The following PLCB1 variants were observed in gnomAD, a reference collection of about 807,000 sequenced individuals.
PLCB1 encodes 1-phosphatidylinositol 4,5-bisphosphate phosphodiesterase beta-1.
Under a neutral mutation model 161.8 loss-of-function variants are expected in PLCB1, and 46 were observed. That is an observed-to-expected ratio of 0.28 (90% CI 0.22 to 0.36). PLCB1 has a LOEUF of 0.36. Among genes scored for constraint, PLCB1 ranks in the 10% least tolerant of loss-of-function variants. The pLI, the probability that PLCB1 is intolerant of heterozygous loss-of-function variation, is 1.00. For missense variants in PLCB1, 1,016 were observed against 1,472.5 expected, an observed-to-expected ratio of 0.69 and a Z score of 5.07; for synonymous variants, 517 against 503.7, an observed-to-expected ratio of 1.03 and a Z score of -0.35.
intron 3 of PLCB1, among the ~76,000 whole-genome samples, chr20:8,450,366 CAT>C (rs1266956048): frequency 6.6e-6 from 1 of 151,974 alleles, no homozygotes; most frequent in Non-Finnish European, 1.5e-5. Context: ...AAAGCCATCA[CAT>C]AAATTTTTCT....
At chr20:8,187,884 A>G (rs2051923276) in intron 2 of PLCB1, among the ~76,000 whole-genome samples, 3 of 152,070 alleles carry the variant, frequency 2.0e-5, no homozygotes, top group Admixed American at 2.0e-4. Context: ...GACTGTGTAC[A>G]TATATGTATG....
At chr20:8,218,957 T>C (rs564456628) in intron 2 of PLCB1, among the ~76,000 whole-genome samples, 2 of 152,302 alleles carry the variant, frequency 1.3e-5, no homozygotes, top group South Asian at 4.1e-4. Flanking sequence ...CAGAGTTTTA[T>C]TCTACACTGG....
chr20:8,792,467 C>T (rs956032063), intron 31 of PLCB1: 6 of 457,546 alleles, frequency 1.3e-5, no homozygotes, highest in African/African-American at 8.1e-5. Context: ...ATACAGTGTA[C>T]GTTACAGCCA....
chr20:8,402,087 G>C (rs1978577899), intron 3 of PLCB1, among the ~76,000 whole-genome samples: 1 of 151,988 alleles, frequency 6.6e-6, no homozygotes, highest in Admixed American at 6.5e-5. Context: ...TTTTAGACTA[G>C]TAATAAAATG....
intron 3 of PLCB1, among the ~76,000 whole-genome samples, chr20:8,614,284 A>G (rs1413522801): frequency 6.6e-6 from 1 of 152,076 alleles, no homozygotes; most frequent in Non-Finnish European, 1.5e-5. Flanking sequence ...CCCTGCAATT[A>G]CACACCAGGA....
intron 10 of PLCB1, among the ~76,000 whole-genome samples, chr20:8,696,949 G>T (rs1028408598): frequency 1.3e-5 from 2 of 152,132 alleles, no homozygotes; most frequent in African/African-American, 4.8e-5. Flanking sequence ...TAGCCAGGAT[G>T]GTCTCGATCT....
chr20:8,456,071 G>A (rs567151225), intron 3 of PLCB1, among the ~76,000 whole-genome samples: 1 of 152,238 alleles, frequency 6.6e-6, no homozygotes. Context: ...TCAAAGATTT[G>A]GTTTCAAATT....
intron 31 of PLCB1, among the ~76,000 whole-genome samples, chr20:8,823,654 A>C (rs186771485): frequency 6.6e-6 from 1 of 152,268 alleles, no homozygotes; most frequent in African/African-American, 2.4e-5. Context: ...ATTCTGAACT[A>C]ATATGTCTTG....
chr20:8,157,260 A>C (rs1332458150), intron 2 of PLCB1, among the ~76,000 whole-genome samples: 1 of 152,208 alleles, frequency 6.6e-6, no homozygotes, highest in East Asian at 1.9e-4. Flanking sequence ...AACAACTTTT[A>C]AGATGATTTA....
intron 2 of PLCB1, among the ~76,000 whole-genome samples, chr20:8,368,250 G>A (rs747494762): frequency 1.6e-4 from 24 of 152,106 alleles, no homozygotes; most frequent in Admixed American, 2.0e-4. Context: ...ATTACGGGCC[G>A]GGCACGGTGG....
At chr20:8,638,495 TACACGCAC>T (rs1197309917) in intron 4 of PLCB1, among the ~76,000 whole-genome samples, 7 of 152,104 alleles carry the variant, frequency 4.6e-5, no homozygotes, top group South Asian at 2.1e-4. Flanking sequence ...AAAAACATTA[TACACGCAC>T]ACACGCACAC....
intron 3 of PLCB1, among the ~76,000 whole-genome samples, chr20:8,452,913 G>A (rs776625097): frequency 1.1e-4 from 16 of 152,184 alleles, no homozygotes; most frequent in Non-Finnish European, 1.6e-4. Flanking sequence ...ACAACACCAT[G>A]TTTGCTTGCC....
chr20:8,143,530 G>C (rs1784400159), intron 1 of PLCB1, among the ~76,000 whole-genome samples: 2 of 152,176 alleles, frequency 1.3e-5, no homozygotes, highest in South Asian at 4.2e-4. Context: ...TAAGCAAATA[G>C]AGGTACAATT....
At chr20:8,826,461 A>C (rs1989468) in intron 31 of PLCB1, among the ~76,000 whole-genome samples, 45,797 of 148,830 alleles carry the variant, frequency 0.31, 8,029 homozygotes, top group East Asian at 0.63. Flanking sequence ...GCGCCACTGC[A>C]CTCCAGCCTG....
At chr20:8,233,970 T>C (rs952612064) in intron 2 of PLCB1, among the ~76,000 whole-genome samples, 1 of 152,236 alleles carries the variant, frequency 6.6e-6, no homozygotes, top group African/African-American at 2.4e-5. Flanking sequence ...TTATTCATTC[T>C]ACTGTTATGG....
At chr20:8,161,869 T>G (rs1439882091) in intron 2 of PLCB1, among the ~76,000 whole-genome samples, 1 of 151,864 alleles carries the variant, frequency 6.6e-6, no homozygotes, top group African/African-American at 2.4e-5. Context: ...ACCTTACAAA[T>G]TAATTCAGTA....
intron 3 of PLCB1, among the ~76,000 whole-genome samples, chr20:8,479,588 C>T (rs932873786): frequency 1.3e-5 from 2 of 152,186 alleles, no homozygotes; most frequent in African/African-American, 4.8e-5. Context: ...ATATTACTCA[C>T]TTTTATGTCC....
chr20:8,133,785 C>T (rs2051316417), intron 1 of PLCB1, among the ~76,000 whole-genome samples: 1 of 152,210 alleles, frequency 6.6e-6, no homozygotes, highest in Admixed American at 6.5e-5. Context: ...GTCCAAATGA[C>T]TAATACATCT....
At chr20:8,709,439 T>C (rs1350433599) in intron 12 of PLCB1, among the ~76,000 whole-genome samples, 1 of 152,350 alleles carries the variant, frequency 6.6e-6, no homozygotes, top group East Asian at 1.9e-4. Context: ...AAGATTCTTA[T>C]CCATATTGAA....
Sources: gnomAD v4.1 joint callset for allele counts (sites outside exome capture counted in the v4.1 genomes callset) on GRCh38, gnomAD v4.1.1 for gene constraint, MANE v1.5 for transcripts, NCBI Gene and HGNC (gene_info 2026-07-23, HGNC 2026-07-21) for gene names.